Variants in ATP8A1 observed in about 807,000 individuals in gnomAD.
The protein encoded by ATP8A1 is phospholipid-transporting ATPase IA.
In ATP8A1, 90 loss-of-function variants were observed where a neutral mutation model predicts 177.7. The ratio of observed to expected loss-of-function variants is 0.51; its 90% confidence interval spans 0.43 to 0.60. The LOEUF (loss-of-function observed/expected upper bound fraction) is 0.60. Among genes scored for constraint, ATP8A1 ranks in the 20% least tolerant of loss-of-function variants. ATP8A1 has a pLI of 0.00. For synonymous variants in ATP8A1, 493 were observed against 485.9 expected (o/e 1.01, Z -0.19); for missense variants, 1,072 against 1,392.8 (o/e 0.77, Z 3.67).
chr4:42,461,538 TC>T (rs1294231589), intron 27 of ATP8A1, among the ~76,000 whole-genome samples: 1 of 152,160 alleles, frequency 6.6e-6, no homozygotes, highest in Non-Finnish European at 1.5e-5. Context: ...CTCCTTGCCT[TC>T]CATCATGATT....
intron 33 of ATP8A1, among the ~76,000 whole-genome samples, chr4:42,429,060 A>G (rs760278961): frequency 1.3e-5 from 2 of 152,232 alleles, no homozygotes; most frequent in African/African-American, 2.4e-5. Flanking sequence ...ATGTTCTCAC[A>G]ACCTAGTGTT....
At chr4:42,635,782 C>CATAGATATATATATATATATAT (rs1739248924) in intron 1 of ATP8A1, among the ~76,000 whole-genome samples, 1 of 51,992 alleles carries the variant, frequency 1.9e-5, no homozygotes, top group South Asian at 8.4e-4. Flanking sequence ...CACACACACA[C>CATAGATATATATATATATATAT]ATATATATAT....
At chr4:42,530,421 G>A (rs1327217284) in intron 20 of ATP8A1, among the ~76,000 whole-genome samples, 6 of 152,350 alleles carry the variant, frequency 3.9e-5, no homozygotes, top group Non-Finnish European at 7.3e-5. Context: ...TATCCTGCAC[G>A]CAGTGCTTCT....
At chr4:42,472,891 A>G (rs1720606135) in intron 25 of ATP8A1, among the ~76,000 whole-genome samples, 1 of 152,186 alleles carries the variant, frequency 6.6e-6, no homozygotes, top group African/African-American at 2.4e-5. Context: ...TGAAAATAAA[A>G]ACACAGAGGG....
At chr4:42,502,594 CA>C (rs1439679081) in intron 24 of ATP8A1, among the ~76,000 whole-genome samples, 1 of 152,170 alleles carries the variant, frequency 6.6e-6, no homozygotes, top group Non-Finnish European at 1.5e-5. Flanking sequence ...ATCACAGAGA[CA>C]GCTCTGATTT....
intron 29 of ATP8A1, 57 bp from the exon 30 acceptor site, chr4:42,452,116 C>G: frequency 8.1e-7 from 1 of 1,231,644 alleles, no homozygotes; most frequent in Non-Finnish European, 1.2e-6. Context: ...TCTGTGAACT[C>G]TGACCTTTCT....
intron 1 of ATP8A1, among the ~76,000 whole-genome samples, chr4:42,647,531 T>C (rs947039625): frequency 1.3e-4 from 19 of 151,360 alleles, no homozygotes; most frequent in African/African-American, 4.6e-4. Context: ...AGACAATTTA[T>C]ATTTATAATA....
rs201201463 is a variant in ATP8A1, at chr4:42,507,083, C to T, written c.2019G>A (p.Thr673=). Residue 673 remains threonine (T), a synonymous_variant, in exon 23 of 37, where the codon ACG becomes ACA. Transcript: ENST00000381668. Reference sequence around the variant, plus strand: ...AGATTTTGATGTCTGCTTTCATTAGCGTTTCTATGGTTTCAGGCACTTGAT... The same window carrying T: ...AGATTTTGATGTCTGCTTTCATTAGTGTTTCTATGGTTTCAGGCACTTGAT... ...LQDQVPETIE[T]LMKADIKIWI... 132 of 1,613,956 alleles carry T rather than the reference C, an allele frequency of 8.2e-5. No homozygotes were observed. The highest frequency in any genetic ancestry group is 5.3e-4 in the East Asian group (24 of 44,862).
intron 24 of ATP8A1, among the ~76,000 whole-genome samples, chr4:42,499,119 C>T (rs1440319449): frequency 6.6e-6 from 1 of 152,164 alleles, no homozygotes; most frequent in African/African-American, 2.4e-5. Context: ...GGCTCCTGAT[C>T]AGGCTGAAGG....
rs911942945 is a variant in ATP8A1 at position 42,515,088 on chromosome 4, G to A, written c.1947+7072C>T. Among the ~76,000 whole-genome samples the A allele has an allele frequency of 3.3e-5, 5 of 152,340 alleles. No homozygotes were observed. The East Asian group carries it at 9.6e-4, about 29-fold the overall frequency. On this transcript the variant is annotated intron_variant, in intron 22 of 36. Coordinates refer to ENST00000381668, the MANE Select transcript of ATP8A1 (RefSeq NM_006095.2). Reference sequence around the variant, plus strand: ...TGCTTACCCCAATGGATCACGTTGTGTCTCACTTTAGAGGCCCTCCAACTA... The same window carrying A: ...TGCTTACCCCAATGGATCACGTTGTATCTCACTTTAGAGGCCCTCCAACTA...
At chr4:42,506,906 A>T (rs1724418856) in intron 23 of ATP8A1, 110 bp downstream of exon 23, 2 of 1,301,192 alleles carry the variant, frequency 1.5e-6, no homozygotes, top group African/African-American at 3.0e-5. Context: ...GAATATTCCA[A>T]TCTTGACATA....
chr4:42,615,981 ATAC>A (rs1164997970), intron 5 of ATP8A1, 49 bp downstream of exon 5: 30 of 1,508,824 alleles, frequency 2.0e-5, no homozygotes, highest in Admixed American at 1.1e-4. Context: ...GTGTTTGTAT[ATAC>A]TACAAGTAGG....
chr4:42,534,980 G>GCC (rs1229287976), intron 20 of ATP8A1, among the ~76,000 whole-genome samples: 3 of 152,006 alleles, frequency 2.0e-5, no homozygotes, highest in African/African-American at 7.2e-5. Context: ...CCACTACCAA[G>GCC]CCAGCAGTAT....
At chr4:42,596,441 G>A (rs905214287) in intron 6 of ATP8A1, among the ~76,000 whole-genome samples, 4 of 151,922 alleles carry the variant, frequency 2.6e-5, no homozygotes, top group South Asian at 4.2e-4. Context: ...AGACTGAGGC[G>A]GGCGGATCAC....
chr4:42,553,641 G>C (rs1156456469), intron 16 of ATP8A1, among the ~76,000 whole-genome samples: 2 of 152,072 alleles, frequency 1.3e-5, no homozygotes, highest in South Asian at 2.1e-4. Context: ...ATAATAATGT[G>C]AAGTGACTAG....
chr4:42,621,393 G>T (rs971980061), intron 4 of ATP8A1, among the ~76,000 whole-genome samples: 1 of 152,144 alleles, frequency 6.6e-6, no homozygotes, highest in Non-Finnish European at 1.5e-5. Context: ...AAATTGGAGC[G>T]TTCTAAATTT....
At position 42,412,809 on chromosome 4, in the gene ATP8A1, T is replaced by G; in HGVS notation, c.*107A>C. ...TCCATCAGCGAGATGAGCTCAGATC[T>G]ACCTTTCCTCTTCATGGACCAGACT... On this transcript the variant is annotated 3_prime_UTR_variant, in exon 37 of 37. Transcript: ENST00000381668. The G allele has an allele frequency of 9.3e-6, 8 of 860,064 alleles. No homozygotes were observed. The South Asian group carries it at 1.1e-4, about 12-fold the overall frequency. The allele number at this position is 860,064 out of a possible 1,614,324, so 53.3% of individuals were successfully genotyped here. A position where few individuals can be genotyped will look rare whatever the true frequency, so the allele number is the denominator to read the frequency against.
intron 33 of ATP8A1, among the ~76,000 whole-genome samples, chr4:42,424,721 C>T (rs1001195111): frequency 3.3e-5 from 5 of 152,124 alleles, no homozygotes; most frequent in African/African-American, 4.8e-5. Context: ...TTTGGACTCT[C>T]GATTAAGGAC....
chr4:42,657,085 C>T lies in ATP8A1; in HGVS notation c.-212G>A. On this transcript the variant is annotated 5_prime_UTR_variant, in exon 1 of 37. Coordinates refer to ENST00000381668, the MANE Select transcript of ATP8A1 (RefSeq NM_006095.2). Reference sequence around the variant, plus strand: ...CGGTGGCGGCGAAGGTGGCGGCGCCCGCAGAGCTGGGCGAGCTCTTGCTGC... The same window carrying T: ...CGGTGGCGGCGAAGGTGGCGGCGCCTGCAGAGCTGGGCGAGCTCTTGCTGC... The T allele has an allele frequency of 2.4e-6, 1 of 417,880 alleles. No individual in the cohort carries two copies. The highest frequency in any genetic ancestry group is 4.0e-6 in the Non-Finnish European group (1 of 248,712). The allele number at this position is 417,880 out of a possible 1,614,324, so 25.9% of individuals were successfully genotyped here.
Sources: allele counts gnomAD v4.1 joint callset (sites outside exome capture counted in the v4.1 genomes callset), GRCh38; gene constraint gnomAD v4.1.1; transcripts MANE v1.5; gene names NCBI Gene and HGNC (gene_info 2026-07-23, HGNC 2026-07-21).